The following LGMN variants were observed in gnomAD, a reference collection of about 807,000 sequenced individuals.
The protein encoded by LGMN is legumain.
Under a neutral mutation model 56.8 loss-of-function variants are expected in LGMN, and 36 were observed. The observed-to-expected ratio is 0.63, with a 90% CI of 0.49 to 0.84. The LOEUF is 0.84. LGMN is among the 40% of genes least tolerant of loss of function. The pLI, the probability that LGMN is intolerant of heterozygous loss-of-function variation, is 0.00. For missense variants in LGMN, 446 were observed against 556.1 expected, an observed-to-expected ratio of 0.80 and a Z score of 1.99; for synonymous variants, 199 against 210.1, an observed-to-expected ratio of 0.95 and a Z score of 0.46.
At chr14:92,712,745 A>T (rs1310450798) in intron 8 of LGMN, 60 bp downstream of exon 8, 1 of 1,495,748 alleles carries the variant, frequency 6.7e-7, no homozygotes, top group Non-Finnish European at 9.3e-7. Flanking sequence ...GTTCCATGTC[A>T]GCGGTGTCTG....
chr14:92,716,091 T>A (rs1364451022), intron 5 of LGMN, 45 bp downstream of exon 5: 7 of 1,295,010 alleles, frequency 5.4e-6, no homozygotes, highest in Non-Finnish European at 7.7e-6. Context: ...TATACGGGGG[T>A]CCCAAGCCAT....
At chr14:92,744,932 G>A (rs893897338) in intron 1 of LGMN, among the ~76,000 whole-genome samples, 6 of 152,172 alleles carry the variant, frequency 3.9e-5, no homozygotes, top group Non-Finnish European at 5.9e-5. Context: ...CAAGTAACAC[G>A]TATTTCAAAA....
intron 1 of LGMN, among the ~76,000 whole-genome samples, chr14:92,745,944 C>T (rs915176012): frequency 6.6e-6 from 1 of 152,126 alleles, no homozygotes; most frequent in African/African-American, 2.4e-5. Context: ...GCCTCAGCCT[C>T]CCGAGTAGCT....
At position 92,718,220 on chromosome 14, in the gene LGMN, G is replaced by A. The variant is rs370629906; in HGVS notation, c.236+527C>T. Among the ~76,000 whole-genome samples, 7 of 152,250 alleles carry A rather than the reference G, an allele frequency of 4.6e-5. No homozygotes were observed. In the East Asian group the frequency reaches 5.8e-4, roughly 13 times the overall value. Reference sequence around the variant, plus strand: ...CGGCTTTAGACCCTTTCAAAGCAGCGACCAGCACCCACTTCCTATGTCTTT... The same window carrying A: ...CGGCTTTAGACCCTTTCAAAGCAGCAACCAGCACCCACTTCCTATGTCTTT... On this transcript the variant is annotated intron_variant, in intron 3 of 13. Transcript: ENST00000334869.
chr14:92,704,764 C>T, intron 12 of LGMN, 57 bp from the exon 13 acceptor site: 1 of 1,422,742 alleles, frequency 7.0e-7, no homozygotes, highest in Non-Finnish European at 9.9e-7. Context: ...ACAATCCACT[C>T]CACTTTTGCA....
rs1225836191 is a variant in LGMN at position 92,735,356 on chromosome 14, A to ATG, written c.-29-2542_-29-2541insCA. On this transcript the variant is annotated intron_variant, in intron 1 of 13. Coordinates refer to ENST00000334869, the MANE Select transcript of LGMN (RefSeq NM_005606.7). ...TGAGTAGCTGAGATTACAGGTGCCC[A>ATG]CCACCATGCCCAGCTAATTTTTGTA... Among the ~76,000 whole-genome samples, 453 of 152,192 alleles carry ATG rather than the reference A, an allele frequency of 3.0e-3. 3 individuals are homozygous for ATG. The highest frequency in any genetic ancestry group is 0.01 in the African/African-American group (436 of 41,528).
rs746019006 is a variant in LGMN at position 92,717,364 on chromosome 14, C to T, written c.318+16G>A. The T allele has an allele frequency of 1.2e-5, 18 of 1,498,842 alleles. No individual in the cohort carries two copies. Among genetic ancestry groups the T allele is most frequent in the African/African-American group, 5.5e-5 (4 of 72,604 alleles). The allele number at this position is 1,498,842 out of a possible 1,614,324, so 92.8% of individuals were successfully genotyped here. On this transcript the variant is annotated intron_variant, in intron 4 of 13. Coordinates refer to ENST00000334869, the MANE Select transcript of LGMN (RefSeq NM_005606.7). ...GAAAACTAAACCAGCTGGCTCCAAC[C>T]GTAGAAGCCACTCACCTCTCCAGTG...
chr14:92,728,209 A>G (rs994236380), intron 2 of LGMN, among the ~76,000 whole-genome samples: 6 of 152,206 alleles, frequency 3.9e-5, no homozygotes, highest in African/African-American at 1.4e-4. Flanking sequence ...GTGAGGGGCA[A>G]TGGTTTCGGG....
At chr14:92,738,836 G>A (rs997341547) in intron 1 of LGMN, among the ~76,000 whole-genome samples, 1 of 151,386 alleles carries the variant, frequency 6.6e-6, no homozygotes, top group African/African-American at 2.4e-5. Flanking sequence ...CTGGCCAACA[G>A]GGTGAAACCC....
intron 2 of LGMN, among the ~76,000 whole-genome samples, chr14:92,730,507 G>A (rs576107874): frequency 2.0e-5 from 3 of 152,186 alleles, no homozygotes; most frequent in Non-Finnish European, 2.9e-5. Flanking sequence ...GCTCACGGCA[G>A]CCTTAAATTC....
Position 92,709,665 on chromosome 14 carries a change from T to A in LGMN, c.1020+7A>T. ...ACCTGGGCACAGCTCCTTTCACCAC[T>A]ACTCACATCCAGATGCCGCTGGATC... On this transcript the variant is annotated splice_region_variant and intron_variant, in intron 11 of 13. Transcript: ENST00000334869. 1.2e-6 allele frequency: 2 copies of A among 1,611,848 alleles called. No individual in the cohort carries two copies. Among genetic ancestry groups the A allele is most frequent in the Non-Finnish European group, 8.5e-7 (1 of 1,179,108 alleles).
At chr14:92,743,711 G>C (rs1239094930) in intron 1 of LGMN, among the ~76,000 whole-genome samples, 1 of 151,074 alleles carries the variant, frequency 6.6e-6, no homozygotes, top group East Asian at 1.9e-4. Context: ...TGAGACATGA[G>C]AACTGCTTGA....
chr14:92,738,253 AC>A (rs1891389901), intron 1 of LGMN, among the ~76,000 whole-genome samples: 1 of 151,312 alleles, frequency 6.6e-6, no homozygotes. Flanking sequence ...AAAGTGCCCT[AC>A]TGATACAGAA....
intron 1 of LGMN, among the ~76,000 whole-genome samples, chr14:92,739,395 G>A (rs1205243910): frequency 6.6e-6 from 1 of 152,044 alleles, no homozygotes; most frequent in Admixed American, 6.6e-5. Flanking sequence ...TCTCACAGAG[G>A]CATCATCATC....
intron 2 of LGMN, among the ~76,000 whole-genome samples, chr14:92,725,399 T>C (rs1890691834): frequency 6.6e-6 from 1 of 151,952 alleles, no homozygotes; most frequent in African/African-American, 2.4e-5. Context: ...AAAAAATTTT[T>C]AACTAGCTGG....
chr14:92,729,284 T>C (rs1890908724), intron 2 of LGMN, among the ~76,000 whole-genome samples: 1 of 151,740 alleles, frequency 6.6e-6, no homozygotes, highest in African/African-American at 2.4e-5. Context: ...CACACCTCTC[T>C]GGCACTCATG....
chr14:92,735,502 T>C (rs1387399988), intron 1 of LGMN, among the ~76,000 whole-genome samples: 5 of 152,046 alleles, frequency 3.3e-5, no homozygotes, highest in Non-Finnish European at 7.4e-5. Flanking sequence ...TCACCGCACC[T>C]GGCCATGAGA....
chr14:92,706,743 C>T, intron 11 of LGMN, 90 bp from the exon 12 acceptor site: 1 of 1,220,514 alleles, frequency 8.2e-7, no homozygotes, highest in Non-Finnish European at 1.1e-6. Context: ...TCAAAGGCTA[C>T]TCTCCACACA....
intron 2 of LGMN, among the ~76,000 whole-genome samples, chr14:92,726,343 C>A (rs1043539092): frequency 1.3e-5 from 2 of 152,158 alleles, no homozygotes; most frequent in African/African-American, 4.8e-5. Context: ...CTCTCGCCTC[C>A]GTCACTGCAG....
Sources: allele counts gnomAD v4.1 joint callset (sites outside exome capture counted in the v4.1 genomes callset), GRCh38; gene constraint gnomAD v4.1.1; transcripts MANE v1.5; gene names NCBI Gene and HGNC (gene_info 2026-07-23, HGNC 2026-07-21).